Variants in CHCT1 observed in about 807,000 individuals in gnomAD.
CHCT1 encodes CHD1 helical C-terminal domain containing protein 1.
the CHCT1 span, among the ~76,000 whole-genome samples, chr17:60,427,976 A>G: frequency 3.5e-3 from 535 of 152,162 alleles, 2 homozygotes; most frequent in African/African-American, 0.012. Flanking sequence ...AAATTTTCAT[A>G]CTAGGTTTCA....
chr17:60,429,351 C>A, the CHCT1 span: 1 of 1,611,582 alleles, frequency 6.2e-7, no homozygotes, highest in Non-Finnish European at 8.5e-7. Flanking sequence ...AACACGGAGG[C>A]TCCATGGCAG....
the CHCT1 span, among the ~76,000 whole-genome samples, chr17:60,427,452 C>A: frequency 6.6e-6 from 1 of 151,936 alleles, no homozygotes; most frequent in African/African-American, 2.4e-5. Context: ...GAGTCTCACT[C>A]TGTCATCCAA....
the CHCT1 span, chr17:60,425,847 G>T: frequency 1.3e-6 from 2 of 1,551,756 alleles, no homozygotes; most frequent in Non-Finnish European, 8.7e-7. Context: ...TCGCTCATGC[G>T]CCATGCCAAG....
the CHCT1 span, among the ~76,000 whole-genome samples, chr17:60,427,161 T>A: frequency 1.3e-5 from 2 of 152,202 alleles, no homozygotes; most frequent in Non-Finnish European, 2.9e-5. Context: ...CTCCTCCTTG[T>A]GGAGCAGGGC....
chr17:60,425,069 A>G, the CHCT1 span, among the ~76,000 whole-genome samples: 1 of 152,160 alleles, frequency 6.6e-6, no homozygotes, highest in Non-Finnish European at 1.5e-5. Flanking sequence ...CCACATCCTC[A>G]TAATTTCATC....
the CHCT1 span, among the ~76,000 whole-genome samples, chr17:60,423,004 C>T: frequency 6.6e-6 from 1 of 151,998 alleles, no homozygotes; most frequent in Admixed American, 6.6e-5. Flanking sequence ...TCTCCATGCA[C>T]CTCCCTCCCC....
At chr17:60,426,025 A>C in the CHCT1 span, 3 of 1,248,750 alleles carry the variant, frequency 2.4e-6, no homozygotes, top group South Asian at 4.3e-5. Context: ...TGAGAGGTGC[A>C]CCAGAGCCAC....
chr17:60,421,697 C>A, the CHCT1 span: 1 of 815,388 alleles, frequency 1.2e-6, no homozygotes. Context: ...GCCTCCTGAG[C>A]ACCTCCCGGC....
At chr17:60,426,324 A>G in the CHCT1 span, 2 of 1,550,988 alleles carry the variant, frequency 1.3e-6, no homozygotes, top group South Asian at 2.4e-5. Flanking sequence ...TGGGAAATCA[A>G]ACACTGGAGA....
chr17:60,430,765 G>A, the CHCT1 span, among the ~76,000 whole-genome samples: 4 of 152,248 alleles, frequency 2.6e-5, no homozygotes, highest in Non-Finnish European at 5.9e-5. Flanking sequence ...ACAGGCGTGA[G>A]CCACTGTGCC....
At chr17:60,426,974 C>A in the CHCT1 span, 1 of 906,548 alleles carries the variant, frequency 1.1e-6, no homozygotes, top group Non-Finnish European at 1.3e-6. Context: ...TTTACCCCTG[C>A]CCTGGGCAGA....
At chr17:60,426,971 C>T in the CHCT1 span, 3 of 913,852 alleles carry the variant, frequency 3.3e-6, no homozygotes, top group Non-Finnish European at 3.9e-6. Context: ...ACCTTTACCC[C>T]TGCCCTGGGC....
chr17:60,423,439 C>T, the CHCT1 span, among the ~76,000 whole-genome samples: 1 of 151,918 alleles, frequency 6.6e-6, no homozygotes, highest in African/African-American at 2.4e-5. Flanking sequence ...GTGATCCACC[C>T]ATCTCGGCCT....
the CHCT1 span, chr17:60,431,356 A>G: frequency 1.1e-6 from 1 of 898,482 alleles, no homozygotes; most frequent in Non-Finnish European, 1.7e-6. Context: ...GTCCTTATCA[A>G]AAAGATTCTC....
chr17:60,424,573 T>G, the CHCT1 span, among the ~76,000 whole-genome samples: 1 of 152,208 alleles, frequency 6.6e-6, no homozygotes, highest in Non-Finnish European at 1.5e-5. Flanking sequence ...TTGGAGTTCT[T>G]TGGTGCCTGT....
the CHCT1 span, chr17:60,422,478 G>C: frequency 6.5e-7 from 1 of 1,532,262 alleles, no homozygotes; most frequent in South Asian, 1.2e-5. Context: ...TTTGCTCCGA[G>C]TTCTGGAGCC....
chr17:60,424,139 A>G, the CHCT1 span, among the ~76,000 whole-genome samples: 1 of 152,192 alleles, frequency 6.6e-6, no homozygotes, highest in African/African-American at 2.4e-5. Context: ...TAATTGGGGC[A>G]GGGAGGGCAC....
chr17:60,423,489 A>G, the CHCT1 span, among the ~76,000 whole-genome samples: 1 of 150,750 alleles, frequency 6.6e-6, no homozygotes, highest in African/African-American at 2.4e-5. Context: ...CACTGTGCCC[A>G]GTTTTGCTCT....
the CHCT1 span, among the ~76,000 whole-genome samples, chr17:60,430,750 G>A: frequency 6.6e-6 from 1 of 152,214 alleles, no homozygotes; most frequent in African/African-American, 2.4e-5. Flanking sequence ...CGAAGTGCTG[G>A]GATTACAGGC....
Sources: allele counts gnomAD v4.1 joint callset (sites outside exome capture counted in the v4.1 genomes callset), GRCh38; gene constraint gnomAD v4.1.1; transcripts MANE v1.5; gene names NCBI Gene and HGNC (gene_info 2026-07-23, HGNC 2026-07-21).